Variants in NCK2 observed in about 807,000 individuals in gnomAD.
NCK2 encodes NCK adaptor protein 2.
In NCK2, 16 loss-of-function variants were observed where a neutral mutation model predicts 33.9. The ratio of observed to expected loss-of-function variants is 0.47; its 90% CI spans 0.32 to 0.72. The LOEUF is 0.72. Ranked by LOEUF, NCK2 falls within the 30% of genes least tolerant of loss-of-function variation. The pLI, the probability that NCK2 is intolerant of heterozygous loss-of-function variation, is 0.03. For synonymous variants in NCK2, 273 were observed against 239.9 expected, an observed-to-expected ratio of 1.14 and a Z score of -1.27; for missense variants, 418 against 537.3, an observed-to-expected ratio of 0.78 and a Z score of 2.19.
chr2:105,891,999 C>T (rs189556966), intron 4 of NCK2, among the ~76,000 whole-genome samples: 1 of 152,132 alleles, frequency 6.6e-6, no homozygotes. Context: ...GTTTAAAATG[C>T]GACCGGAATT....
At chr2:105,749,931 G>A (rs1336013712) in intron 1 of NCK2, among the ~76,000 whole-genome samples, 1 of 152,022 alleles carries the variant, frequency 6.6e-6, no homozygotes, top group Non-Finnish European at 1.5e-5. Flanking sequence ...TCGGGAGGCT[G>A]AGTCACGCGA....
chr2:105,810,191 G>A (rs1186431847), intron 1 of NCK2, among the ~76,000 whole-genome samples: 1 of 152,188 alleles, frequency 6.6e-6, no homozygotes, highest in Non-Finnish European at 1.5e-5. Context: ...TATTATAAAA[G>A]TTCAGATGTT....
In NCK2 at chr2:105,881,537, G is replaced by T; in HGVS notation, c.436G>T (p.Asp146Tyr). Residue 146 changes from aspartate (D) to tyrosine (Y), a missense_variant, in exon 4 of 5, where the codon GAC becomes TAC. Physicochemically the swap from Asp to Tyr is radical, Grantham distance 160 (BLOSUM62 -3). Coordinates refer to ENST00000233154, the MANE Select transcript of NCK2 (RefSeq NM_003581.5). ...CGTCACCGTCATGGAGAAGTGCAGC[G>T]ACGGTTGGTGGCGGGGCAGCTACAA... ...SRVTVMEKCSDGWWRGSYNGQ... is the reference protein window; with the variant it reads ...SRVTVMEKCSYGWWRGSYNGQ... The T allele has an allele frequency of 6.2e-7, 1 of 1,614,022 alleles. No homozygotes were observed. The highest frequency in any genetic ancestry group is 8.5e-7 in the Non-Finnish European group (1 of 1,180,012).
chr2:105,803,282 G>C (rs1373787912), intron 1 of NCK2, among the ~76,000 whole-genome samples: 5 of 152,136 alleles, frequency 3.3e-5, no homozygotes, highest in Non-Finnish European at 5.9e-5. Context: ...ACCTAGAAAA[G>C]TTTAGCTGCT....
rs143157456 is a variant in NCK2, at chr2:105,780,474, A to G, written c.-201+35336A>G. Among the ~76,000 whole-genome samples the G allele has an allele frequency of 1.8e-3, 281 of 152,204 alleles. 1 individual carries two copies. The highest frequency in any genetic ancestry group is 6.2e-3 in the African/African-American group (256 of 41,520). ...CATCCTCAAATCCTGCTTCTCGCTCATGTCCTGTGTCACATCCATATAGAT... is the reference window on the plus strand; with the variant it reads ...CATCCTCAAATCCTGCTTCTCGCTCGTGTCCTGTGTCACATCCATATAGAT... On this transcript the variant is annotated intron_variant, in intron 1 of 4. Transcript: ENST00000233154.
chr2:105,752,864 T>C (rs1309472037), intron 1 of NCK2, among the ~76,000 whole-genome samples: 4 of 152,190 alleles, frequency 2.6e-5, no homozygotes, highest in Non-Finnish European at 5.9e-5. Context: ...CAAGCTAAAA[T>C]CATGTATTTT....
Position 105,835,401 on chromosome 2 carries a change from A to ACG in NCK2, c.-17+18788_-17+18789insCG, listed in dbSNP as rs1194497043. Among the ~76,000 whole-genome samples, 40 of 101,626 alleles carry ACG rather than the reference A, an allele frequency of 3.9e-4. 5 individuals carry two copies. Among genetic ancestry groups the ACG allele is most frequent in the Admixed American group, 1.1e-3 (10 of 9,224 alleles). The allele number at this position is 101,626 out of a possible 152,430, so 66.7% of individuals were successfully genotyped here. Reference sequence around the variant, plus strand: ...CATATATATACACATATATATATATATATACGTGTATATATATATATATTT... The same window carrying ACG: ...CATATATATACACATATATATATATACGTATACGTGTATATATATATATATTT... On this transcript the variant is annotated intron_variant, in intron 2 of 4. Coordinates refer to ENST00000233154, the MANE Select transcript of NCK2 (RefSeq NM_003581.5).
chr2:105,749,656 G>A (rs950846921), intron 1 of NCK2, among the ~76,000 whole-genome samples: 66 of 152,180 alleles, frequency 4.3e-4, no homozygotes, highest in Non-Finnish European at 8.8e-5. Flanking sequence ...TGCCTTTGCC[G>A]TGTCGCAGCT....
intron 3 of NCK2, among the ~76,000 whole-genome samples, chr2:105,876,070 C>A (rs1463969545): frequency 6.6e-6 from 1 of 152,000 alleles, no homozygotes; most frequent in African/African-American, 2.4e-5. Context: ...TGAGAAAATG[C>A]TGCTTCATCT....
chr2:105,802,600 G>A (rs558666525), intron 1 of NCK2, among the ~76,000 whole-genome samples: 2 of 152,254 alleles, frequency 1.3e-5, no homozygotes, highest in African/African-American at 2.4e-5. Flanking sequence ...GATGTGCCAG[G>A]CTCTTTTTAA....
At chr2:105,768,858 G>A (rs777064008) in intron 1 of NCK2, among the ~76,000 whole-genome samples, 1 of 152,268 alleles carries the variant, frequency 6.6e-6, no homozygotes, top group Middle Eastern at 3.4e-3. Flanking sequence ...GAGTCCCCAT[G>A]CCCCCTGGGG....
intron 1 of NCK2, among the ~76,000 whole-genome samples, chr2:105,800,326 CTTG>C (rs1210625418): frequency 6.6e-6 from 1 of 152,238 alleles, no homozygotes; most frequent in South Asian, 2.1e-4. Flanking sequence ...GAGGTGTTGT[CTTG>C]TTGTAAAGAT....
intron 2 of NCK2, among the ~76,000 whole-genome samples, chr2:105,854,204 G>A (rs1677173412): frequency 6.6e-6 from 1 of 152,088 alleles, no homozygotes; most frequent in African/African-American, 2.4e-5. Flanking sequence ...TTTTGGTACT[G>A]AATAATATTT....
chr2:105,789,747 G>T (rs189109177), intron 1 of NCK2, among the ~76,000 whole-genome samples: 1 of 152,166 alleles, frequency 6.6e-6, no homozygotes, highest in Admixed American at 6.5e-5. Context: ...CCCGGTTAAC[G>T]GGAGGGCTTT....
intron 3 of NCK2, among the ~76,000 whole-genome samples, chr2:105,865,533 G>A (rs1489825007): frequency 1.3e-5 from 2 of 152,132 alleles, no homozygotes; most frequent in Non-Finnish European, 2.9e-5. Context: ...GAGGTTATTT[G>A]CTGCCCTTGC....
At chr2:105,835,409 G>GTGTGTATATATATGTA (rs56250020) in intron 2 of NCK2, among the ~76,000 whole-genome samples, 1 of 59,328 alleles carries the variant, frequency 1.7e-5, no homozygotes, top group Non-Finnish European at 3.3e-5. Context: ...ATATATACGT[G>GTGTGTATATATATGTA]TATATATATA....
intron 1 of NCK2, among the ~76,000 whole-genome samples, chr2:105,799,230 CATCCCTCTTTT>C (rs1691183841): frequency 6.6e-6 from 1 of 151,428 alleles, no homozygotes; most frequent in African/African-American, 2.4e-5. Context: ...TAGTTGAATT[CATCCCTCTTTT>C]ATGGTTTCTG....
chr2:105,834,465 C>G (rs537797013), intron 2 of NCK2, among the ~76,000 whole-genome samples: 1 of 151,968 alleles, frequency 6.6e-6, no homozygotes, highest in African/African-American at 2.4e-5. Flanking sequence ...ATAAGTATAG[C>G]TACTCTTGCT....
intron 2 of NCK2, among the ~76,000 whole-genome samples, chr2:105,837,070 G>A (rs1373701345): frequency 2.0e-5 from 3 of 152,152 alleles, no homozygotes; most frequent in Admixed American, 6.5e-5. Context: ...GTCAGTCCTG[G>A]CTGGCTGCTT....
Sources: gnomAD v4.1 joint callset for allele counts (sites outside exome capture counted in the v4.1 genomes callset) on GRCh38, gnomAD v4.1.1 for gene constraint, MANE v1.5 for transcripts, NCBI Gene and HGNC (gene_info 2026-07-23, HGNC 2026-07-21) for gene names.